Variants in PRKN observed in about 807,000 individuals in gnomAD.
The protein encoded by PRKN is E3 ubiquitin-protein ligase parkin.
In PRKN, 56 loss-of-function variants were observed where a neutral mutation model predicts 59.5. The observed-to-expected ratio is 0.94, with a 90% CI of 0.76 to 1.18. The LOEUF (loss-of-function observed/expected upper bound fraction) is 1.18, where lower values mean the gene tolerates loss of function less well. PRKN is among the 50% of genes most tolerant of loss of function. The pLI is 0.00. For missense variants in PRKN, 657 were observed against 596.4 expected (o/e 1.10, Z -1.06); for synonymous variants, 250 against 222.1 (o/e 1.13, Z -1.12).
At chr6:162,504,966 A>G (rs1793543451) in intron 1 of PRKN, among the ~76,000 whole-genome samples, 1 of 152,200 alleles carries the variant, frequency 6.6e-6, no homozygotes, top group African/African-American at 2.4e-5. Context: ...GAATCAGGGA[A>G]CGCTGAGGAA....
intron 1 of PRKN, among the ~76,000 whole-genome samples, chr6:162,467,818 G>A (rs374282403): frequency 2.0e-5 from 3 of 151,918 alleles, no homozygotes; most frequent in African/African-American, 7.3e-5. Context: ...TCACGCTCCC[G>A]CTACGCCGCC....
At position 161,497,519 on chromosome 6, in the gene PRKN, A is replaced by G. The variant is rs1562487164; in HGVS notation, c.1083+51335T>C. 6.6e-6 allele frequency among the ~76,000 whole-genome samples: 1 copy of G among 151,916 alleles called. No individual in the cohort carries two copies. The highest frequency in any genetic ancestry group is 2.1e-4 in the South Asian group (1 of 4,802). ...CCCATTGAAAAGAGTCAAGGGTACAATTCTCAAGTCTGTGTGTGTGCACAG... is the reference window on the plus strand; with the variant it reads ...CCCATTGAAAAGAGTCAAGGGTACAGTTCTCAAGTCTGTGTGTGTGCACAG... On this transcript the variant is annotated intron_variant, in intron 9 of 11. Transcript: ENST00000366898. This position sits in a 1 kb window ranked among gnomAD's most constrained non-coding sequence, Gnocchi z 4.6.
At chr6:162,390,247 T>G (rs767848033) in intron 2 of PRKN, among the ~76,000 whole-genome samples, 27 of 151,836 alleles carry the variant, frequency 1.8e-4, no homozygotes, top group Non-Finnish European at 3.4e-4. Context: ...TAACACCAAA[T>G]AGTGAAAAAT....
At chr6:162,235,003 C>T (rs1778585839) in intron 3 of PRKN, among the ~76,000 whole-genome samples, 1 of 152,112 alleles carries the variant, frequency 6.6e-6, no homozygotes, top group African/African-American at 2.4e-5. Flanking sequence ...ATGGCAGTGA[C>T]ATTTTTACCA....
At chr6:162,176,642 C>T (rs111501309) in intron 4 of PRKN, among the ~76,000 whole-genome samples, 4 of 152,138 alleles carry the variant, frequency 2.6e-5, no homozygotes, top group African/African-American at 9.6e-5. Context: ...TCTAGAGGCT[C>T]GGAGACCTTG....
At position 161,429,949 on chromosome 6, in the gene PRKN, G is replaced by T. The variant is rs563726029; in HGVS notation, c.1084-43072C>A. On this transcript the variant is annotated intron_variant, in intron 9 of 11. Coordinates refer to ENST00000366898, the MANE Select transcript of PRKN (RefSeq NM_004562.3). This position sits in a 1 kb window ranked among gnomAD's most constrained non-coding sequence, Gnocchi z 4.2. ...GAAGACCAGAGGTTCCTGGGTCAGA[G>T]ACAAAGGACCATGCATTATTTACAG... Among the ~76,000 whole-genome samples the T allele has an allele frequency of 1.3e-5, 2 of 152,312 alleles. No individual in the cohort carries two copies. Among genetic ancestry groups the T allele is most frequent in the East Asian group, 1.9e-4 (1 of 5,190 alleles).
chr6:162,379,530 C>A (rs999300709), intron 2 of PRKN, among the ~76,000 whole-genome samples: 1 of 152,098 alleles, frequency 6.6e-6, no homozygotes, highest in Non-Finnish European at 1.5e-5. Context: ...AATAAATCTC[C>A]CATTCAGGGT....
intron 4 of PRKN, among the ~76,000 whole-genome samples, chr6:162,177,270 T>C (rs1012923317): frequency 1.3e-5 from 2 of 152,112 alleles, no homozygotes; most frequent in African/African-American, 2.4e-5. Context: ...AGAGAATGGC[T>C]ATAAATGATT....
chr6:161,438,669 G>C (rs1304174833), intron 9 of PRKN, among the ~76,000 whole-genome samples: 2 of 152,126 alleles, frequency 1.3e-5, no homozygotes, highest in South Asian at 4.1e-4. Flanking sequence ...TGTGGAAACC[G>C]AGAGAGAGAA....
intron 6 of PRKN, among the ~76,000 whole-genome samples, chr6:161,840,314 G>T (rs1361758979): frequency 1.3e-5 from 2 of 152,202 alleles, no homozygotes; most frequent in Non-Finnish European, 2.9e-5. Context: ...GTGCATTATT[G>T]CAAAGACCGG....
At chr6:162,700,390 A>C (rs1294728396) in intron 1 of PRKN, among the ~76,000 whole-genome samples, 1 of 152,230 alleles carries the variant, frequency 6.6e-6, no homozygotes, top group East Asian at 1.9e-4. Flanking sequence ...GTGAACAGCA[A>C]GACAATCCCT....
chr6:161,386,813 G>C lies in PRKN; in HGVS notation c.1148C>G (p.Ala383Gly). The change falls in exon 10 of 12, where the codon GCC (alanine) becomes GGC (glycine). Residue 383 changes from alanine to glycine, a missense_variant. Transcript: ENST00000366898. This position sits in a 1 kb window ranked among gnomAD's most constrained non-coding sequence, Gnocchi z 4.3. ...HEGECSAVFEASGTTTQAYRV... is the reference protein window; with the variant it reads ...HEGECSAVFEGSGTTTQAYRV... ...CTGTACCTGAGTAGTTGTTCCTGAG[G>C]CTTCAAATACGGCACTGCACTCCCC... 1 of 1,613,524 alleles carries C rather than the reference G, an allele frequency of 6.2e-7. No individual in the cohort carries two copies. Among genetic ancestry groups the C allele is most frequent in the Non-Finnish European group, 8.5e-7 (1 of 1,179,502 alleles).
chr6:162,117,973 G>GTA (rs1780745474), intron 4 of PRKN, among the ~76,000 whole-genome samples: 2 of 152,090 alleles, frequency 1.3e-5, no homozygotes, highest in South Asian at 4.1e-4. Context: ...GCACACACCT[G>GTA]TAATCCCAGC....
At chr6:161,649,439 C>G (rs1219126016) in intron 7 of PRKN, among the ~76,000 whole-genome samples, 1 of 152,186 alleles carries the variant, frequency 6.6e-6, no homozygotes, top group Non-Finnish European at 1.5e-5. Context: ...GATTGCTTCT[C>G]TGTTTGCAAC....
chr6:162,403,814 G>A (rs1787923908), intron 2 of PRKN, among the ~76,000 whole-genome samples: 1 of 152,170 alleles, frequency 6.6e-6, no homozygotes, highest in Non-Finnish European at 1.5e-5. Context: ...AGTTTTGTGG[G>A]AGGAAGGCCA....
At chr6:162,509,455 G>GA (rs1341338962) in intron 1 of PRKN, among the ~76,000 whole-genome samples, 15 of 152,192 alleles carry the variant, frequency 9.9e-5, no homozygotes, top group Admixed American at 7.8e-4. Flanking sequence ...AAGAGGATTT[G>GA]AAAAAATGTC....
chr6:162,203,262 A>G (rs1431868906), intron 3 of PRKN, among the ~76,000 whole-genome samples: 1 of 152,152 alleles, frequency 6.6e-6, no homozygotes, highest in Non-Finnish European at 1.5e-5. Context: ...TTCAGAAGTT[A>G]TTCAGAAAAT....
chr6:161,705,786 C>T (rs1786462768), intron 7 of PRKN, among the ~76,000 whole-genome samples: 2 of 152,142 alleles, frequency 1.3e-5, no homozygotes, highest in South Asian at 4.1e-4. Flanking sequence ...GTAAACCTTG[C>T]TTCTTTGTCC....
At chr6:162,268,106 AT>A (rs1228300694) in intron 2 of PRKN, among the ~76,000 whole-genome samples, 1 of 152,208 alleles carries the variant, frequency 6.6e-6, no homozygotes, top group East Asian at 1.9e-4. Flanking sequence ...TTAGCCGTAT[AT>A]TGCAGACCAT....
Sources: gnomAD v4.1 joint callset for allele counts (sites outside exome capture counted in the v4.1 genomes callset) on GRCh38, gnomAD v4.1.1 for gene constraint, Gnocchi (gnomAD v3.1) non-coding constraint, MANE v1.5 for transcripts, NCBI Gene and HGNC (gene_info 2026-07-23, HGNC 2026-07-21) for gene names.